Variants in PCSK6 observed in about 807,000 individuals in gnomAD.
The protein encoded by PCSK6 is paired basic amino acid cleaving enzyme 4.
PCSK6 carries 85 observed loss-of-function variants against 123.3 expected under a neutral mutation model. The ratio of observed to expected loss-of-function variants is 0.69; its 90% CI spans 0.58 to 0.83. The LOEUF (loss-of-function observed/expected upper bound fraction) is 0.83, where lower values mean the gene tolerates loss of function less well. Among genes scored for constraint, PCSK6 ranks in the 40% least tolerant of loss-of-function variants. The pLI is 0.00. For synonymous variants in PCSK6, 508 were observed against 516.0 expected, an observed-to-expected ratio of 0.98 and a Z score of 0.21; for missense variants, 1,191 against 1,282.3, an observed-to-expected ratio of 0.93 and a Z score of 1.09.
chr15:101,469,656 A>G (rs955790459), intron 1 of PCSK6, among the ~76,000 whole-genome samples: 2 of 152,196 alleles, frequency 1.3e-5, no homozygotes, highest in Admixed American at 6.5e-5. Context: ...TGGAGCGGCT[A>G]GAGCCGGGTG....
At chr15:101,358,602 T>C (rs572012237) in intron 13 of PCSK6, among the ~76,000 whole-genome samples, 2 of 152,322 alleles carry the variant, frequency 1.3e-5, no homozygotes, top group South Asian at 4.1e-4. Context: ...CTCTGCAAAA[T>C]GCATCGGAGA....
intron 6 of PCSK6, among the ~76,000 whole-genome samples, chr15:101,409,541 T>G (rs28372103): frequency 4.8e-5 from 7 of 145,530 alleles, no homozygotes; most frequent in Admixed American, 1.4e-4. Flanking sequence ...GCCGAGATCG[T>G]GCCACTGCAC....
At chr15:101,423,739 A>T (rs1400827819) in intron 6 of PCSK6, among the ~76,000 whole-genome samples, 1 of 152,240 alleles carries the variant, frequency 6.6e-6, no homozygotes, top group Non-Finnish European at 1.5e-5. Flanking sequence ...GCCCACAGAG[A>T]GTAGAAAGAA....
chr15:101,425,321 A>G (rs1237401007), intron 6 of PCSK6, among the ~76,000 whole-genome samples: 1 of 152,186 alleles, frequency 6.6e-6, no homozygotes, highest in Non-Finnish European at 1.5e-5. Flanking sequence ...CTCTCCACAC[A>G]GGCAGCCAAC....
intron 13 of PCSK6, among the ~76,000 whole-genome samples, chr15:101,359,928 C>G (rs1326776817): frequency 2.0e-5 from 3 of 152,224 alleles, no homozygotes; most frequent in African/African-American, 4.8e-5. Context: ...TCTGCCTGGA[C>G]TTGTGTAAGT....
chr15:101,380,394 A>T (rs887000766), intron 11 of PCSK6, among the ~76,000 whole-genome samples: 1 of 152,196 alleles, frequency 6.6e-6, no homozygotes, highest in African/African-American at 2.4e-5. Flanking sequence ...CAGACCCAGG[A>T]GCCCACCTCC....
intron 6 of PCSK6, among the ~76,000 whole-genome samples, chr15:101,401,543 G>C (rs1010568876): frequency 6.6e-6 from 1 of 152,210 alleles, no homozygotes; most frequent in African/African-American, 2.4e-5. Flanking sequence ...CTCGGAGCCA[G>C]CAGGAGGGAC....
At chr15:101,407,834 TCTC>T (rs921407330) in intron 6 of PCSK6, among the ~76,000 whole-genome samples, 1 of 152,228 alleles carries the variant, frequency 6.6e-6, no homozygotes, top group African/African-American at 2.4e-5. Context: ...ATGGCAGTGG[TCTC>T]CTCATCTGCT....
At chr15:101,466,089 C>T (rs12904206) in intron 1 of PCSK6, among the ~76,000 whole-genome samples, 112,993 of 151,994 alleles carry the variant, frequency 0.74, 42,645 homozygotes, top group Non-Finnish European at 0.82. Flanking sequence ...CTCCAAAGGA[C>T]ACCATCAAGA....
At chr15:101,385,199 G>A (rs1221493403) in intron 9 of PCSK6, among the ~76,000 whole-genome samples, 2 of 151,926 alleles carry the variant, frequency 1.3e-5, no homozygotes, top group African/African-American at 4.8e-5. Flanking sequence ...TACATTTTTT[G>A]TAGAGACGAG....
chr15:101,430,226 C>T (rs191315710), intron 4 of PCSK6, among the ~76,000 whole-genome samples, 163 bp from the exon 5 acceptor site: 104 of 152,228 alleles, frequency 6.8e-4, no homozygotes, highest in Non-Finnish European at 1.2e-3. Context: ...ATATATGTGA[C>T]GGGAAATACA....
At position 101,305,117 on chromosome 15, in the gene PCSK6, G is replaced by C. The variant is rs1450191566; in HGVS notation, c.*141C>G. ...GAGCCACCACCCACCTGGCTTGGGT[G>C]CTCAGAGATGCTGCTCCTGGGGAGA... On this transcript the variant is annotated 3_prime_UTR_variant, in exon 22 of 22. Coordinates refer to ENST00000611716, the MANE Select transcript of PCSK6 (RefSeq NM_002570.5). This position sits in a 1 kb window ranked among gnomAD's most constrained non-coding sequence, Gnocchi z 4.8. The C allele has an allele frequency of 4.4e-6, 3 of 675,214 alleles. No homozygotes were observed. The highest frequency in any genetic ancestry group is 5.1e-6 in the Non-Finnish European group (2 of 389,956). 41.8% of individuals were successfully genotyped at this position (675,214 alleles called of 1,614,324 possible). A position where few individuals can be genotyped will look rare whatever the true frequency, so the allele number is the denominator to read the frequency against.
At chr15:101,466,064 A>C (rs1035955198) in intron 1 of PCSK6, among the ~76,000 whole-genome samples, 12 of 152,322 alleles carry the variant, frequency 7.9e-5, no homozygotes, top group African/African-American at 2.4e-4. Flanking sequence ...GTGGATTAAA[A>C]AAACAATGTC....
At chr15:101,449,624 T>C (rs1030385073) in intron 1 of PCSK6, among the ~76,000 whole-genome samples, 9 of 152,176 alleles carry the variant, frequency 5.9e-5, no homozygotes, top group Non-Finnish European at 1.0e-4. Flanking sequence ...CATGTCAGCT[T>C]CACCTGAGTA....
chr15:101,401,554 G>A (rs377041888), intron 6 of PCSK6, among the ~76,000 whole-genome samples: 2 of 152,204 alleles, frequency 1.3e-5, no homozygotes, highest in African/African-American at 4.8e-5. Flanking sequence ...CAGGAGGGAC[G>A]TGGGGCATGC....
At chr15:101,348,609 G>T (rs1273836798) in intron 13 of PCSK6, among the ~76,000 whole-genome samples, 2 of 152,176 alleles carry the variant, frequency 1.3e-5, no homozygotes, top group Non-Finnish European at 2.9e-5. Flanking sequence ...GATGTTATAG[G>T]CACTATGGAC....
chr15:101,454,363 G>A (rs907590205), intron 1 of PCSK6, among the ~76,000 whole-genome samples: 1 of 152,164 alleles, frequency 6.6e-6, no homozygotes, highest in Non-Finnish European at 1.5e-5. Context: ...CCAAGGGGTG[G>A]GAGCAACCCA....
chr15:101,471,922 C>G (rs1054647611), intron 1 of PCSK6, among the ~76,000 whole-genome samples: 6 of 152,192 alleles, frequency 3.9e-5, no homozygotes, highest in African/African-American at 1.4e-4. Flanking sequence ...GTTATGCATG[C>G]TGGTTGTCTG....
intron 1 of PCSK6, among the ~76,000 whole-genome samples, chr15:101,481,117 A>C (rs1315573565): frequency 6.6e-6 from 1 of 152,228 alleles, no homozygotes; most frequent in Non-Finnish European, 1.5e-5. Context: ...CTTAGAGAGC[A>C]GCCAGAGGCC....
Sources: allele counts gnomAD v4.1 joint callset (sites outside exome capture counted in the v4.1 genomes callset), GRCh38; gene constraint gnomAD v4.1.1; non-coding constraint Gnocchi (gnomAD v3.1); transcripts MANE v1.5; gene names NCBI Gene and HGNC (gene_info 2026-07-23, HGNC 2026-07-21).